Variants in RABGAP1L observed in about 807,000 individuals in gnomAD.
The protein encoded by RABGAP1L is rab GTPase-activating protein 1-like.
Under a neutral mutation model 137.7 loss-of-function variants are expected in RABGAP1L, and 63 were observed. The observed-to-expected ratio is 0.46, with a 90% CI of 0.37 to 0.56. RABGAP1L has a LOEUF of 0.56. Among genes scored for constraint, RABGAP1L ranks in the 20% least tolerant of loss-of-function variants. RABGAP1L has a pLI of 0.00. For synonymous variants in RABGAP1L, 431 were observed against 433.7 expected, an observed-to-expected ratio of 0.99 and a Z score of 0.08; for missense variants, 1,095 against 1,244.0, an observed-to-expected ratio of 0.88 and a Z score of 1.80.
At chr1:174,927,496 C>G (rs1663043136) in intron 19 of RABGAP1L, among the ~76,000 whole-genome samples, 1 of 152,084 alleles carries the variant, frequency 6.6e-6, no homozygotes, top group South Asian at 2.1e-4. Flanking sequence ...TCCCAAAGTG[C>G]TGTGATTACA....
intron 18 of RABGAP1L, among the ~76,000 whole-genome samples, chr1:174,802,566 C>A (rs1215962449): frequency 6.6e-6 from 1 of 152,184 alleles, no homozygotes. Flanking sequence ...GAGATCGTGC[C>A]ATTGCACTCC....
chr1:174,470,724 G>T (rs190309127), intron 13 of RABGAP1L, among the ~76,000 whole-genome samples: 1 of 152,016 alleles, frequency 6.6e-6, no homozygotes. Context: ...CCAAGATGGC[G>T]GCATTGCACT....
rs1252681895 is a variant in RABGAP1L at position 174,550,997 on chromosome 1, C to CATATATAT, written c.1711-86377_1711-86376insTATATATA. ...ATGTATATATACATATATATATATA[C>CATATATAT]ACATATATATATATATATATATATA... On this transcript the variant is annotated intron_variant, in intron 13 of 25. Transcript: ENST00000681986. Among the ~76,000 whole-genome samples, 184 of 92,148 alleles carry CATATATAT rather than the reference C, an allele frequency of 2.0e-3. 1 individual carries two copies. Among genetic ancestry groups the CATATATAT allele is most frequent in the Non-Finnish European group, 2.9e-3 (157 of 54,908 alleles). 60.5% of individuals were successfully genotyped at this position (92,148 alleles called of 152,430 possible). A position where few individuals can be genotyped will look rare whatever the true frequency, so the allele number is the denominator to read the frequency against.
chr1:174,743,837 T>C (rs1007522455), intron 17 of RABGAP1L, among the ~76,000 whole-genome samples: 5 of 152,014 alleles, frequency 3.3e-5, no homozygotes, highest in Admixed American at 2.0e-4. Flanking sequence ...GTTAAACTTA[T>C]CTCTCATCCC....
At chr1:174,470,518 G>A (rs1210567280) in intron 13 of RABGAP1L, among the ~76,000 whole-genome samples, 1 of 152,150 alleles carries the variant, frequency 6.6e-6, no homozygotes, top group Non-Finnish European at 1.5e-5. Context: ...TGTAATCCTA[G>A]CACTTTGGAA....
intron 13 of RABGAP1L, among the ~76,000 whole-genome samples, chr1:174,615,812 C>T (rs1478467774): frequency 6.6e-6 from 1 of 152,238 alleles, no homozygotes; most frequent in African/African-American, 2.4e-5. Flanking sequence ...CTCGCTGCCG[C>T]CTTGCAGTTT....
chr1:174,864,531 G>A lies in RABGAP1L; in HGVS notation c.2340+52571G>A, dbSNP rs1239270853. 3.9e-5 allele frequency among the ~76,000 whole-genome samples: 6 copies of A among 152,262 alleles called. No individual in the cohort carries two copies. The South Asian group carries it at 6.2e-4, about 16-fold the overall frequency. On this transcript the variant is annotated intron_variant, in intron 19 of 25. Transcript: ENST00000681986. ...ATGGTGGCAGGAAGGAGAAGAATGC[G>A]AGCAAAATGGGGAAAAGCCCCTTCT...
intron 13 of RABGAP1L, among the ~76,000 whole-genome samples, chr1:174,513,051 TC>T (rs1483699637): frequency 6.6e-6 from 1 of 152,098 alleles, no homozygotes; most frequent in Non-Finnish European, 1.5e-5. Flanking sequence ...TGCTAGAGGG[TC>T]CCACATATGC....
chr1:174,698,768 T>C (rs1160606409), intron 15 of RABGAP1L, among the ~76,000 whole-genome samples: 2 of 152,100 alleles, frequency 1.3e-5, no homozygotes, highest in Middle Eastern at 3.2e-3. Flanking sequence ...TAACAATGTA[T>C]ATAGAATATT....
At chr1:174,822,081 T>G (rs2148888683) in intron 19 of RABGAP1L, among the ~76,000 whole-genome samples, 1 of 152,234 alleles carries the variant, frequency 6.6e-6, no homozygotes, top group South Asian at 2.1e-4. Context: ...GCCAACACAG[T>G]GAAACCCTGT....
rs532331433 is a variant in RABGAP1L at position 174,192,505 on chromosome 1, T to C, written c.-33-26620T>C. ...GCCCAGCTAAATTTTGTATTTTTAT[T>C]AGAGACAGGGTTTTACCATCTTGCC... On this transcript the variant is annotated intron_variant, in intron 1 of 25. Transcript: ENST00000681986. 3.1e-4 allele frequency among the ~76,000 whole-genome samples: 47 copies of C among 152,168 alleles called. No homozygotes were observed. In the East Asian group the frequency reaches 7.0e-3, roughly 23 times the overall value.
intron 12 of RABGAP1L, among the ~76,000 whole-genome samples, chr1:174,387,461 A>G (rs1295426809): frequency 6.6e-6 from 1 of 152,174 alleles, no homozygotes; most frequent in Non-Finnish European, 1.5e-5. Flanking sequence ...AAATAATACA[A>G]TGAAGTCTCA....
chr1:174,357,895 C>CA (rs1683776188), intron 11 of RABGAP1L, among the ~76,000 whole-genome samples: 1 of 152,210 alleles, frequency 6.6e-6, no homozygotes, highest in African/African-American at 2.4e-5. Flanking sequence ...TGCCCTTTGC[C>CA]AGGCACCCTA....
intron 13 of RABGAP1L, among the ~76,000 whole-genome samples, chr1:174,616,562 A>G (rs772845178): frequency 7.2e-5 from 11 of 152,186 alleles, no homozygotes; most frequent in Non-Finnish European, 1.6e-4. Flanking sequence ...TCAGACATGG[A>G]CACTAGTTAA....
At chr1:174,673,909 A>G (rs1013220912) in intron 14 of RABGAP1L, among the ~76,000 whole-genome samples, 2 of 152,194 alleles carry the variant, frequency 1.3e-5, no homozygotes, top group African/African-American at 4.8e-5. Context: ...ACACAGAGAT[A>G]ATATTTAAAG....
At chr1:174,533,257 T>C (rs997254477) in intron 13 of RABGAP1L, among the ~76,000 whole-genome samples, 1 of 152,030 alleles carries the variant, frequency 6.6e-6, no homozygotes. Flanking sequence ...CAAACAAATA[T>C]AATGGAATCC....
At chr1:174,559,009 A>T (rs1667049275) in intron 13 of RABGAP1L, among the ~76,000 whole-genome samples, 1 of 152,214 alleles carries the variant, frequency 6.6e-6, no homozygotes, top group East Asian at 1.9e-4. Flanking sequence ...AGAGTAAGTT[A>T]AAATGAATGA....
At chr1:174,552,050 T>C (rs1199915359) in intron 13 of RABGAP1L, among the ~76,000 whole-genome samples, 2 of 152,212 alleles carry the variant, frequency 1.3e-5, no homozygotes, top group African/African-American at 2.4e-5. Flanking sequence ...GAAATCACCG[T>C]GTCAAGATAT....
Position 174,448,225 on chromosome 1 carries a change from T to C in RABGAP1L, c.1710+54080T>C, listed in dbSNP as rs1398742867. ...GATTTGGCCACTACAGTGTGGTGGA[T>C]GTCTGCATCTTCGAGACAGTGGTTA... On this transcript the variant is annotated intron_variant, in intron 13 of 25. Coordinates refer to ENST00000681986, the MANE Select transcript of RABGAP1L (RefSeq NM_001366446.1). The surrounding 1 kb of genome is among the most constrained non-coding windows in gnomAD (Gnocchi z 4.2). 6.2e-7 allele frequency: 1 copy of C among 1,614,100 alleles called. No homozygotes were observed. Among genetic ancestry groups the C allele is most frequent in the Non-Finnish European group, 8.5e-7 (1 of 1,179,960 alleles).
Sources: gnomAD v4.1 joint callset for allele counts (sites outside exome capture counted in the v4.1 genomes callset) on GRCh38, gnomAD v4.1.1 for gene constraint, Gnocchi (gnomAD v3.1) non-coding constraint, MANE v1.5 for transcripts, NCBI Gene and HGNC (gene_info 2026-07-23, HGNC 2026-07-21) for gene names.